The following PCDHA4 variants were observed in gnomAD, a reference collection of about 807,000 sequenced individuals.
PCDHA4 encodes protocadherin alpha-4.
In PCDHA4, 49 loss-of-function variants were observed where a neutral mutation model predicts 61.4. The ratio of observed to expected loss-of-function variants is 0.80; its 90% CI spans 0.63 to 1.01. PCDHA4 has a LOEUF of 1.01. PCDHA4 is among the 50% of genes least tolerant of loss of function. The pLI is 0.00. For synonymous variants in PCDHA4, 590 were observed against 550.3 expected, an observed-to-expected ratio of 1.07 and a Z score of -1.01; for missense variants, 1,254 against 1,235.8, an observed-to-expected ratio of 1.01 and a Z score of -0.22.
At chr5:140,862,905 G>A in intron 1 of PCDHA4, 2 of 551,590 alleles carry the variant, frequency 3.6e-6, no homozygotes, top group Non-Finnish European at 7.0e-6. Context: ...TGTCTGCGCT[G>A]CTGGCGCCTT....
At chr5:140,969,161 G>A (rs782498682) in intron 1 of PCDHA4, 1 of 1,614,156 alleles carries the variant, frequency 6.2e-7, no homozygotes, top group South Asian at 1.1e-5. Context: ...CTGTCTGACA[G>A]CAGGCTCAGG....
chr5:140,824,449 A>C (rs1768125050), intron 1 of PCDHA4: 2 of 452,608 alleles, frequency 4.4e-6, no homozygotes, highest in Non-Finnish European at 3.9e-6. Flanking sequence ...TTATGACTAC[A>C]TGAAAATTTA....
chr5:140,901,899 T>C (rs1439841120), intron 1 of PCDHA4, among the ~76,000 whole-genome samples: 2 of 152,152 alleles, frequency 1.3e-5, no homozygotes, highest in Non-Finnish European at 2.9e-5. Flanking sequence ...ATATTTTTCA[T>C]TGTGGAGATC....
At chr5:140,854,067 C>T (rs2042967096) in intron 1 of PCDHA4, 1 of 266,958 alleles carries the variant, frequency 3.7e-6, no homozygotes, top group Non-Finnish European at 5.7e-6. Context: ...GAGGCTGAGG[C>T]GAGAGAATCG....
chr5:140,843,275 A>ACC, intron 1 of PCDHA4: 1 of 1,595,960 alleles, frequency 6.3e-7, no homozygotes, highest in East Asian at 2.2e-5. Flanking sequence ...GGTCCTGGTG[A>ACC]AGGATCATGG....
intron 1 of PCDHA4, chr5:140,829,755 T>C (rs2150173994): frequency 6.2e-7 from 1 of 1,613,728 alleles, no homozygotes; most frequent in East Asian, 2.2e-5. Flanking sequence ...CAGGTGTTCG[T>C]GCTGGACGAG....
At chr5:140,936,347 G>A (rs2090928614) in intron 1 of PCDHA4, among the ~76,000 whole-genome samples, 1 of 152,066 alleles carries the variant, frequency 6.6e-6, no homozygotes, top group South Asian at 2.1e-4. Flanking sequence ...CTGCATATAT[G>A]GAATGTGTAG....
intron 1 of PCDHA4, among the ~76,000 whole-genome samples, chr5:140,914,272 A>G (rs1356508399): frequency 2.0e-5 from 3 of 152,212 alleles, no homozygotes; most frequent in Non-Finnish European, 4.4e-5. Context: ...GGGTGCATAT[A>G]TATTTATAAT....
rs2150123679 is a variant in PCDHA4 at position 140,823,222 on chromosome 5, G to A, written c.2385+13650G>A. ...CACGGTGTCTGCACGGGACGCGGAC[G>A]CGCAGGAGAACGCCCTGGTGTCCTA... On this transcript the variant is annotated intron_variant, in intron 1 of 3. Coordinates refer to ENST00000530339, the MANE Select transcript of PCDHA4 (RefSeq NM_018907.4). The A allele has an allele frequency of 1.7e-4, 270 of 1,613,614 alleles. No homozygotes were observed. Among genetic ancestry groups the A allele is most frequent in the Non-Finnish European group, 2.1e-4 (251 of 1,179,816 alleles).
At chr5:140,900,807 A>G (rs868976984) in intron 1 of PCDHA4, among the ~76,000 whole-genome samples, 1 of 152,176 alleles carries the variant, frequency 6.6e-6, no homozygotes, top group South Asian at 2.1e-4. Flanking sequence ...TAGTGCTTGT[A>G]CTAATTTACA....
At chr5:140,948,819 A>G (rs1332127797) in intron 1 of PCDHA4, among the ~76,000 whole-genome samples, 5 of 151,420 alleles carry the variant, frequency 3.3e-5, no homozygotes, top group Middle Eastern at 3.4e-3. Context: ...TTTCTATTTC[A>G]TTAATTTCTG....
intron 1 of PCDHA4, among the ~76,000 whole-genome samples, chr5:140,901,191 C>A (rs2153472732): frequency 6.6e-6 from 1 of 152,084 alleles, no homozygotes; most frequent in Non-Finnish European, 1.5e-5. Context: ...GTTTGCTTTT[C>A]TGTGCAGAAG....
At position 140,807,452 on chromosome 5, in the gene PCDHA4, C is replaced by T. The variant is rs1562209141; in HGVS notation, c.265C>T (p.Arg89Trp). The T allele has an allele frequency of 1.2e-6, 2 of 1,607,214 alleles. No homozygotes were observed. Among genetic ancestry groups the T allele is most frequent in the South Asian group, 1.1e-5 (1 of 90,592 alleles). The stretch of plus-strand genomic sequence containing the variant: ...GAATGGCATTTTGTTTGTGAATTCT[C>T]GGATCGACCGGGAGGAGCTGTGCCG... The part of the protein sequence containing the change: ...LQNGILFVNS[R>W]IDREELCRRS... The change falls in exon 1 of 4, where the codon CGG becomes TGG. Residue 89 changes from arginine to tryptophan, a missense_variant. Arg to Trp is a moderately radical substitution (Grantham distance 101). Transcript: ENST00000530339.
chr5:140,884,176 T>C, intron 1 of PCDHA4: 1 of 1,613,372 alleles, frequency 6.2e-7, no homozygotes, highest in South Asian at 1.1e-5. Flanking sequence ...CGACGCGCCC[T>C]CTGGACGAGG....
At chr5:140,868,810 G>C (rs944762063) in intron 1 of PCDHA4, 6 of 369,934 alleles carry the variant, frequency 1.6e-5, no homozygotes, top group African/African-American at 1.2e-4. Flanking sequence ...AAGCACGTTG[G>C]AAATATTTGG....
intron 1 of PCDHA4, among the ~76,000 whole-genome samples, chr5:140,844,982 A>T (rs2150375491): frequency 6.7e-6 from 1 of 149,170 alleles, no homozygotes; most frequent in East Asian, 1.9e-4. Context: ...TATTGTTTTA[A>T]ATCTTTTAAT....
At chr5:140,856,621 A>T in intron 1 of PCDHA4, 1 of 1,597,974 alleles carries the variant, frequency 6.3e-7, no homozygotes, top group Non-Finnish European at 8.6e-7. Context: ...ACAAATTCCC[A>T]GTGCTTGTTC....
chr5:141,001,594 A>AT (rs1216872407), intron 3 of PCDHA4, among the ~76,000 whole-genome samples: 1 of 152,040 alleles, frequency 6.6e-6, no homozygotes, highest in Non-Finnish European at 1.5e-5. Flanking sequence ...GATTACTCAG[A>AT]TTAGGTTTGC....
At chr5:140,819,371 G>C (rs1180027831) in intron 1 of PCDHA4, among the ~76,000 whole-genome samples, 1 of 152,040 alleles carries the variant, frequency 6.6e-6, no homozygotes, top group South Asian at 2.1e-4. Context: ...TCTTGTGTTA[G>C]TATATTTCTA....
Sources: allele counts gnomAD v4.1 joint callset (sites outside exome capture counted in the v4.1 genomes callset), GRCh38; gene constraint gnomAD v4.1.1; transcripts MANE v1.5; gene names NCBI Gene and HGNC (gene_info 2026-07-23, HGNC 2026-07-21).